The following TSHZ2 variants were observed in gnomAD, a reference collection of about 807,000 sequenced individuals.
TSHZ2 encodes teashirt homolog 2.
Under a neutral mutation model 74.4 loss-of-function variants are expected in TSHZ2, and 21 were observed. The observed-to-expected ratio is 0.28, with a 90% CI of 0.20 to 0.41. The LOEUF is 0.41. Among genes scored for constraint, TSHZ2 ranks in the 10% least tolerant of loss-of-function variants. The pLI, the probability that TSHZ2 is intolerant of heterozygous loss-of-function variation, is 1.00. For missense variants in TSHZ2, 1,244 were observed against 1,293.5 expected (o/e 0.96, Z 0.59); for synonymous variants, 540 against 515.3 (o/e 1.05, Z -0.65).
chr20:53,221,059 G>A (rs1989542925), intron 1 of TSHZ2, among the ~76,000 whole-genome samples: 2 of 152,288 alleles, frequency 1.3e-5, no homozygotes, highest in East Asian at 1.9e-4. Context: ...GAATCATAGG[G>A]GTGGTTTCCC....
chr20:53,142,658 T>C (rs1299571377), intron 1 of TSHZ2, among the ~76,000 whole-genome samples: 2 of 152,192 alleles, frequency 1.3e-5, no homozygotes, highest in Non-Finnish European at 2.9e-5. Flanking sequence ...CATTTCATTT[T>C]GAAAAGTTGT....
chr20:53,433,424 G>A (rs1983913172), intron 2 of TSHZ2, among the ~76,000 whole-genome samples: 2 of 99,088 alleles, frequency 2.0e-5, no homozygotes, highest in African/African-American at 1.1e-4. Context: ...TGTAGTCCCA[G>A]CAACTCAGAA....
At chr20:53,283,653 A>G (rs1991107907) in intron 2 of TSHZ2, among the ~76,000 whole-genome samples, 2 of 152,240 alleles carry the variant, frequency 1.3e-5, no homozygotes, top group Admixed American at 1.3e-4. Flanking sequence ...CACTGGGTTT[A>G]GTACTTCTTT....
intron 1 of TSHZ2, among the ~76,000 whole-genome samples, chr20:53,124,814 G>T (rs750032861): frequency 2.0e-5 from 3 of 152,220 alleles, no homozygotes; most frequent in Non-Finnish European, 2.9e-5. Flanking sequence ...CAGCCAGAAA[G>T]TGACAGACAC....
intron 2 of TSHZ2, among the ~76,000 whole-genome samples, chr20:53,271,775 T>C (rs1471163248): frequency 6.6e-6 from 1 of 151,978 alleles, no homozygotes; most frequent in Non-Finnish European, 1.5e-5. Context: ...TTCCAGAAAA[T>C]GCATGTGGCT....
At chr20:53,294,187 C>T (rs1018254049) in intron 2 of TSHZ2, among the ~76,000 whole-genome samples, 11 of 149,290 alleles carry the variant, frequency 7.4e-5, no homozygotes, top group Admixed American at 2.0e-4. Flanking sequence ...GCTCTAGCCT[C>T]CAGAGACTGA....
rs1442935416 is a variant in TSHZ2 at position 53,256,408 on chromosome 20, A to G, written c.2950A>G (p.Ile984Val). The G allele has an allele frequency of 1.2e-6, 2 of 1,614,050 alleles. No homozygotes were observed. Among genetic ancestry groups the G allele is most frequent in the East Asian group, 4.5e-5 (2 of 44,882 alleles). ...VSSAQRSPETIAAEEDTDSKF... is the reference protein window; with the variant it reads ...VSSAQRSPETVAAEEDTDSKF... The stretch of plus-strand genomic sequence containing the variant: ...GTCGGCTCAGAGGTCTCCAGAAACA[A>G]TAGCTGCCGAAGAGGACACAGACTC... Residue 984 changes from isoleucine (I) to valine (V), a missense_variant, in exon 2 of 3, where the codon ATA (isoleucine) becomes GTA (valine). Ile to Val is a conservative substitution (Grantham distance 29, BLOSUM62 3). Coordinates refer to ENST00000371497, the MANE Select transcript of TSHZ2 (RefSeq NM_173485.6). The surrounding 1 kb of genome is among the most constrained non-coding windows in gnomAD (Gnocchi z 4.3).
chr20:53,078,732 T>A (rs957454836), intron 1 of TSHZ2, among the ~76,000 whole-genome samples: 1 of 151,928 alleles, frequency 6.6e-6, no homozygotes, highest in African/African-American at 2.4e-5. Context: ...GAGAAGTGGG[T>A]GGATTGAGAT....
intron 1 of TSHZ2, among the ~76,000 whole-genome samples, chr20:53,205,892 A>C (rs763487160): frequency 5.9e-5 from 9 of 152,306 alleles, no homozygotes; most frequent in Non-Finnish European, 1.2e-4. Flanking sequence ...GAAGCCATTT[A>C]CATTCTTTAA....
intron 1 of TSHZ2, among the ~76,000 whole-genome samples, chr20:53,001,615 A>G (rs1480380181): frequency 6.6e-6 from 1 of 152,198 alleles, no homozygotes. Context: ...CTCATTTATC[A>G]TCTGACAGGG....
Position 53,119,530 on chromosome 20 carries a change from A to G in TSHZ2, c.41-133969A>G, listed in dbSNP as rs139172721. On this transcript the variant is annotated intron_variant, in intron 1 of 2. Coordinates refer to ENST00000371497, the MANE Select transcript of TSHZ2 (RefSeq NM_173485.6). ...TGCCCAGCATGGTAACGATGAACAC[A>G]TATGACTGTTGAATGCTGGAAATGT... 5.8e-4 allele frequency among the ~76,000 whole-genome samples: 88 copies of G among 152,336 alleles called. No homozygotes were observed. The East Asian group carries it at 0.016, about 28-fold the overall frequency.
rs74177489 is a variant in TSHZ2, at chr20:53,340,177, C to CT, written c.*8+83612dup. Among the ~76,000 whole-genome samples, 14 of 94,074 alleles carry CT rather than the reference C, an allele frequency of 1.5e-4. 2 individuals are homozygous for CT. The highest frequency in any genetic ancestry group is 8.0e-4 in the South Asian group (2 of 2,496). The allele number at this position is 94,074 out of a possible 152,430, so 61.7% of individuals were successfully genotyped here. ...GGATAAAACAAGGTGACTTTTCTTTCTTTTTTCTTTTTTTTTTTTTTTTGA... is the reference window on the plus strand; with the variant it reads ...GGATAAAACAAGGTGACTTTTCTTTCTTTTTTTCTTTTTTTTTTTTTTTTGA... On this transcript the variant is annotated intron_variant, in intron 2 of 2. Transcript: ENST00000371497.
intron 2 of TSHZ2, among the ~76,000 whole-genome samples, chr20:53,445,474 T>C (rs1161890908): frequency 6.6e-6 from 1 of 152,182 alleles, no homozygotes; most frequent in Admixed American, 6.5e-5. Context: ...CGGAATGCCA[T>C]ACAGTGAGCC....
chr20:53,212,365 A>G (rs1989331967), intron 1 of TSHZ2, among the ~76,000 whole-genome samples: 1 of 152,242 alleles, frequency 6.6e-6, no homozygotes, highest in South Asian at 2.1e-4. Flanking sequence ...AATTTAGAGT[A>G]GGTTCCCGCT....
At chr20:53,204,270 TATC>T (rs1349074770) in intron 1 of TSHZ2, among the ~76,000 whole-genome samples, 1 of 139,600 alleles carries the variant, frequency 7.2e-6, no homozygotes, top group Admixed American at 7.2e-5. Context: ...TATGATACTA[TATC>T]ATCATATAAC....
At chr20:53,067,543 A>G (rs953649558) in intron 1 of TSHZ2, among the ~76,000 whole-genome samples, 1 of 152,196 alleles carries the variant, frequency 6.6e-6, no homozygotes, top group Non-Finnish European at 1.5e-5. Context: ...TGCCAAAAAT[A>G]TACATTTAGC....
intron 2 of TSHZ2, among the ~76,000 whole-genome samples, chr20:53,344,044 G>A (rs575475352): frequency 6.6e-6 from 1 of 152,258 alleles, no homozygotes; most frequent in South Asian, 2.1e-4. Context: ...TTGTTCTCAA[G>A]CAAAATTTAA....
chr20:53,151,956 C>T (rs138897144), intron 1 of TSHZ2, among the ~76,000 whole-genome samples: 56 of 152,120 alleles, frequency 3.7e-4, no homozygotes, highest in African/African-American at 9.6e-4. Context: ...CAATACAAGA[C>T]GGTTGGAAGT....
At chr20:53,266,073 A>G (rs1990710547) in intron 2 of TSHZ2, among the ~76,000 whole-genome samples, 1 of 152,146 alleles carries the variant, frequency 6.6e-6, no homozygotes, top group Admixed American at 6.5e-5. Flanking sequence ...CACCAGTTTT[A>G]CCTGCAGTGG....
Sources: gnomAD v4.1 joint callset for allele counts (sites outside exome capture counted in the v4.1 genomes callset) on GRCh38, gnomAD v4.1.1 for gene constraint, Gnocchi (gnomAD v3.1) non-coding constraint, MANE v1.5 for transcripts, NCBI Gene and HGNC (gene_info 2026-07-23, HGNC 2026-07-21) for gene names.